The following MATR3 variants were observed in gnomAD, a reference collection of about 807,000 sequenced individuals.
MATR3 encodes the protein matrin 3, also known as matrin-3.
A neutral mutation model predicts 85.5 loss-of-function variants in MATR3; 4 were observed. That is an observed-to-expected ratio of 0.05 (90% confidence interval 0.02 to 0.11). The LOEUF (loss-of-function observed/expected upper bound fraction) is 0.11. MATR3 is among the 10% of genes least tolerant of loss of function. The probability of loss-of-function intolerance (pLI) is 1.00; values close to 1 mark genes in which losing one functional copy is unlikely to be tolerated. For missense variants in MATR3, 685 were observed against 1,016.1 expected (o/e 0.67, Z 4.43); for synonymous variants, 336 against 343.1 (o/e 0.98, Z 0.23).
At chr5:139,308,919 T>C (rs1475806574) in intron 2 of MATR3, among the ~76,000 whole-genome samples, 2 of 152,168 alleles carry the variant, frequency 1.3e-5, no homozygotes, top group East Asian at 1.9e-4. Context: ...TCATTTTTTT[T>C]CTCCTTTTCC....
chr5:139,314,398 T>C lies in MATR3; in HGVS notation c.913-277T>C, dbSNP rs113632633. On this transcript the variant is annotated intron_variant, in intron 2 of 14. Coordinates refer to ENST00000394805, the MANE Select transcript of MATR3 (RefSeq NM_018834.6). Reference sequence around the variant, plus strand: ...TCAAGGTTAGTTACTACTCTTGATCTTTATTAACTCTATATCTTTTCCCTG... The same window carrying C: ...TCAAGGTTAGTTACTACTCTTGATCCTTATTAACTCTATATCTTTTCCCTG... 818 of 391,638 alleles carry C rather than the reference T, an allele frequency of 2.1e-3. 4 individuals are homozygous for C. The highest frequency in any genetic ancestry group is 3.1e-3 in the Non-Finnish European group (638 of 205,980). The allele number at this position is 391,638 out of a possible 1,614,324, so 24.3% of individuals were successfully genotyped here. A position where few individuals can be genotyped will look rare whatever the true frequency, so the allele number is the denominator to read the frequency against.
chr5:139,321,327 AT>A (rs1755555307), intron 9 of MATR3, among the ~76,000 whole-genome samples: 1 of 151,562 alleles, frequency 6.6e-6, no homozygotes, highest in South Asian at 2.1e-4. Flanking sequence ...TGATTTTTGC[AT>A]TTGTAGTAGA....
intron 1 of MATR3, among the ~76,000 whole-genome samples, chr5:139,297,833 A>G (rs547474323): frequency 3.9e-5 from 6 of 152,230 alleles, no homozygotes; most frequent in Non-Finnish European, 8.8e-5. Flanking sequence ...AATTTAAAGT[A>G]TGCTTGCTCC....
intron 3 of MATR3, among the ~76,000 whole-genome samples, chr5:139,285,675 A>G (rs916671515): frequency 6.6e-6 from 1 of 152,136 alleles, no homozygotes; most frequent in African/African-American, 2.4e-5. Context: ...CTCCGTCTCA[A>G]AAAAAAGAAT....
At chr5:139,323,427 TTAAAACAATTTTATTTGAAC>T (rs1755680944) in intron 12 of MATR3, among the ~76,000 whole-genome samples, 1 of 152,220 alleles carries the variant, frequency 6.6e-6, no homozygotes, top group African/African-American at 2.4e-5. Context: ...TTAGTATCCT[TTAAAACAATTTTATTTGAAC>T]AAGTAAGTCA....
chr5:139,323,447 CAAGT>C (rs967948089), intron 12 of MATR3, among the ~76,000 whole-genome samples: 4 of 152,066 alleles, frequency 2.6e-5, no homozygotes, highest in Admixed American at 6.6e-5. Flanking sequence ...TTTATTTGAA[CAAGT>C]AAGTCATTTA....
intron 10 of MATR3, among the ~76,000 whole-genome samples, 160 bp from the exon 11 acceptor site, chr5:139,322,303 A>G (rs545561804): frequency 2.1e-4 from 32 of 152,278 alleles, no homozygotes; most frequent in Non-Finnish European, 3.5e-4. Context: ...CTCTGTTGGT[A>G]TGGTCATGAT....
At position 139,330,737 on chromosome 5, in the gene MATR3, C is replaced by G. The variant is rs1332966262; in HGVS notation, c.*1342C>G. 1 of 454,080 alleles carries G rather than the reference C, an allele frequency of 2.2e-6. No individual in the cohort carries two copies. The highest frequency in any genetic ancestry group is 4.4e-6 in the Non-Finnish European group (1 of 226,782). 28.1% of individuals were successfully genotyped at this position (454,080 alleles called of 1,614,324 possible). A position where few individuals can be genotyped will look rare whatever the true frequency, so the allele number is the denominator to read the frequency against. On this transcript the variant is annotated 3_prime_UTR_variant, in exon 15 of 15. Transcript: ENST00000394805. ...TAATACGGATGAGCAAGAATTAGTT[C>G]TGCAGCTTTTCAAAATAATTACGTA...
At chr5:139,286,398 T>C (rs899240067) in intron 3 of MATR3, among the ~76,000 whole-genome samples, 1 of 151,696 alleles carries the variant, frequency 6.6e-6, no homozygotes, top group Admixed American at 6.6e-5. Flanking sequence ...CAGGCTGGTC[T>C]CGAACTGCCC....
intron 1 of MATR3, among the ~76,000 whole-genome samples, chr5:139,274,862 T>C (rs557696875): frequency 6.6e-6 from 1 of 151,142 alleles, no homozygotes; most frequent in African/African-American, 2.4e-5. Flanking sequence ...GAGGCAGAGA[T>C]TGCAGTGAGC....
At chr5:139,325,887 T>G (rs527998168) in intron 13 of MATR3, among the ~76,000 whole-genome samples, 70 of 152,326 alleles carry the variant, frequency 4.6e-4, no homozygotes, top group African/African-American at 1.7e-3. Context: ...TGTGTTCCCT[T>G]TTTTCGTAAA....
chr5:139,328,913 G>A (rs1245706142), intron 14 of MATR3, among the ~76,000 whole-genome samples: 1 of 152,104 alleles, frequency 6.6e-6, no homozygotes, highest in Non-Finnish European at 1.5e-5. Flanking sequence ...GCTGAGGCAG[G>A]AGAATCACTT....
At chr5:139,308,592 T>C (rs1054966114) in intron 2 of MATR3, among the ~76,000 whole-genome samples, 6 of 152,232 alleles carry the variant, frequency 3.9e-5, no homozygotes, top group African/African-American at 1.2e-4. Flanking sequence ...ATCAATATGT[T>C]CTTCTTAATC....
At chr5:139,282,349 T>C (rs890702192) in intron 3 of MATR3, among the ~76,000 whole-genome samples, 2 of 152,174 alleles carry the variant, frequency 1.3e-5, no homozygotes, top group African/African-American at 4.8e-5. Flanking sequence ...ACTTGATGAG[T>C]CATAAATTTG....
chr5:139,286,969 T>C (rs1753727264), intron 3 of MATR3, among the ~76,000 whole-genome samples: 1 of 152,252 alleles, frequency 6.6e-6, no homozygotes, highest in South Asian at 2.1e-4. Context: ...TATTTTGTTT[T>C]ATTTTGTTTA....
chr5:139,288,625 A>G (rs1452313904), intron 3 of MATR3, among the ~76,000 whole-genome samples: 1 of 151,968 alleles, frequency 6.6e-6, no homozygotes, highest in Admixed American at 6.6e-5. Flanking sequence ...AGCTAGCTAC[A>G]TGGTGGGTTT....
chr5:139,307,029 A>T lies in MATR3; in HGVS notation c.-177-210A>T, dbSNP rs182188706. ...CAGTATGAAAGTCCCTTTAATAGTT[A>T]AGCTTTAGCATGAAATACTACTTTT... is the stretch of plus-strand genomic sequence containing the variant. On this transcript the variant is annotated intron_variant, in intron 1 of 14. Coordinates refer to ENST00000394805, the MANE Select transcript of MATR3 (RefSeq NM_018834.6). The surrounding 1 kb of genome is among the most constrained non-coding windows in gnomAD (Gnocchi z 4.4). Among the ~76,000 whole-genome samples, 31 of 152,170 alleles carry T rather than the reference A, an allele frequency of 2.0e-4. No individual in the cohort carries two copies. Among genetic ancestry groups the T allele is most frequent in the African/African-American group, 7.0e-4 (29 of 41,554 alleles).
intron 1 of MATR3, among the ~76,000 whole-genome samples, chr5:139,296,195 T>A (rs531808952): frequency 2.3e-4 from 35 of 152,358 alleles, no homozygotes; most frequent in African/African-American, 4.1e-4. Context: ...GAATTTTTTT[T>A]AAAATTAAAT....
intron 3 of MATR3, chr5:139,279,227 A>G: frequency 2.2e-6 from 1 of 448,100 alleles, no homozygotes; most frequent in Admixed American, 2.4e-5. Flanking sequence ...TATGTAGAGT[A>G]TCAGACTTTT....
Sources: allele counts gnomAD v4.1 joint callset (sites outside exome capture counted in the v4.1 genomes callset), GRCh38; gene constraint gnomAD v4.1.1; non-coding constraint Gnocchi (gnomAD v3.1); transcripts MANE v1.5; gene names NCBI Gene and HGNC (gene_info 2026-07-23, HGNC 2026-07-21).